SPMAP2L: variants seen among roughly 807,000 people sequenced by gnomAD.
The protein encoded by SPMAP2L is sperm microtubule associated protein 2 like, also known as sperm microtubule associated protein 2-like.
the SPMAP2L span, chr4:56,530,808 A>G: frequency 1.3e-6 from 2 of 1,535,194 alleles, no homozygotes; most frequent in African/African-American, 2.7e-5. Context: ...ACACTCACAG[A>G]GAGCTTGAGG....
the SPMAP2L span, among the ~76,000 whole-genome samples, chr4:56,547,118 C>T: frequency 6.6e-6 from 1 of 152,114 alleles, no homozygotes; most frequent in African/African-American, 2.4e-5. Flanking sequence ...CTATTTAAGC[C>T]ATTGATACAC....
the SPMAP2L span, among the ~76,000 whole-genome samples, chr4:56,537,065 A>G: frequency 6.6e-6 from 1 of 152,108 alleles, no homozygotes; most frequent in African/African-American, 2.4e-5. Context: ...CGCCCGGCCA[A>G]TGTATTAGTA....
the SPMAP2L span, among the ~76,000 whole-genome samples, chr4:56,562,101 C>T: frequency 0.95 from 145,121 of 152,194 alleles, 69,276 homozygotes; most frequent in Middle Eastern, 0.97. Flanking sequence ...CAAAGGCAAG[C>T]AAGACACAAT....
the SPMAP2L span, among the ~76,000 whole-genome samples, chr4:56,597,901 C>A: frequency 2.7e-4 from 41 of 151,954 alleles, no homozygotes; most frequent in African/African-American, 8.9e-4. Context: ...CTTGCTCTGT[C>A]ACCCAGGCTG....
the SPMAP2L span, chr4:56,530,960 G>A: frequency 2.6e-6 from 4 of 1,535,074 alleles, no homozygotes; most frequent in Non-Finnish European, 3.5e-6. Context: ...CACAAGCCCC[G>A]GGACTCCTAT....
At chr4:56,582,403 T>C in the SPMAP2L span, among the ~76,000 whole-genome samples, 1 of 152,146 alleles carries the variant, frequency 6.6e-6, no homozygotes, top group Non-Finnish European at 1.5e-5. Context: ...TTTAAATAGA[T>C]GTTTACCCCA....
chr4:56,618,206 G>A, the SPMAP2L span, among the ~76,000 whole-genome samples: 5 of 152,074 alleles, frequency 3.3e-5, no homozygotes, highest in Non-Finnish European at 7.3e-5. Flanking sequence ...CATTTAAAGG[G>A]ACCACTCTCT....
At chr4:56,593,836 C>A in the SPMAP2L span, 1 of 1,610,714 alleles carries the variant, frequency 6.2e-7, no homozygotes, top group Non-Finnish European at 8.5e-7. Flanking sequence ...ATATGGCAGC[C>A]ATGTTTGCAA....
the SPMAP2L span, among the ~76,000 whole-genome samples, chr4:56,596,861 C>T: frequency 1.9e-4 from 29 of 152,302 alleles, no homozygotes; most frequent in African/African-American, 5.8e-4. Flanking sequence ...ATTGCAGCCT[C>T]GTCACTACAA....
chr4:56,595,758 C>T, the SPMAP2L span: 12 of 839,418 alleles, frequency 1.4e-5, no homozygotes, highest in East Asian at 2.6e-4. Flanking sequence ...GATTTGGTGC[C>T]TCTCCCCAGA....
At chr4:56,596,099 G>A in the SPMAP2L span, among the ~76,000 whole-genome samples, 5,144 of 152,318 alleles carry the variant, frequency 0.034, 247 homozygotes, top group African/African-American at 0.11. Flanking sequence ...TGTGCCATCT[G>A]TGGGAAATCC....
chr4:56,618,791 T>C, the SPMAP2L span, among the ~76,000 whole-genome samples: 1 of 152,214 alleles, frequency 6.6e-6, no homozygotes. Flanking sequence ...TGATTGATAA[T>C]GCCAAAGCAG....
At chr4:56,603,092 C>G in the SPMAP2L span, 1 of 566,492 alleles carries the variant, frequency 1.8e-6, no homozygotes, top group South Asian at 3.6e-5. Context: ...TAGTGGAGGT[C>G]ATGAAAATAA....
chr4:56,594,959 G>C, the SPMAP2L span: 3 of 1,610,896 alleles, frequency 1.9e-6, no homozygotes, highest in Non-Finnish European at 2.5e-6. Context: ...TCCTGGCATG[G>C]GGCCCATTGG....
At chr4:56,602,538 C>CA in the SPMAP2L span, among the ~76,000 whole-genome samples, 1 of 151,934 alleles carries the variant, frequency 6.6e-6, no homozygotes, top group Non-Finnish European at 1.5e-5. Context: ...ACTAAAAATA[C>CA]AAAAAAGTTT....
chr4:56,596,360 T>C, the SPMAP2L span: 11 of 715,578 alleles, frequency 1.5e-5, no homozygotes, highest in East Asian at 3.8e-4. Context: ...GCTGTGATTA[T>C]AGGTTACTGC....
chr4:56,591,575 C>T, the SPMAP2L span, among the ~76,000 whole-genome samples: 1 of 152,154 alleles, frequency 6.6e-6, no homozygotes, highest in Admixed American at 6.5e-5. Context: ...GAAACACTGT[C>T]AGTGTTAGTA....
the SPMAP2L span, chr4:56,603,237 C>G: frequency 1.3e-6 from 2 of 1,534,520 alleles, no homozygotes; most frequent in South Asian, 2.4e-5. Context: ...GTATTATGAT[C>G]CAGATGTCTT....
the SPMAP2L span, among the ~76,000 whole-genome samples, chr4:56,564,432 G>A: frequency 3.9e-5 from 6 of 152,204 alleles, 1 homozygote; most frequent in South Asian, 6.2e-4. Context: ...GAGCCACTGC[G>A]CCCAGCTCAT....
Sources: allele counts gnomAD v4.1 joint callset (sites outside exome capture counted in the v4.1 genomes callset), GRCh38; gene constraint gnomAD v4.1.1; transcripts MANE v1.5; gene names NCBI Gene and HGNC (gene_info 2026-07-23, HGNC 2026-07-21).